Variants in RICTOR observed in about 807,000 individuals in gnomAD.
The protein encoded by RICTOR is rapamycin-insensitive companion of mTOR.
Under a neutral mutation model 214.9 loss-of-function variants are expected in RICTOR, and 49 were observed. That is an observed-to-expected ratio of 0.23 (90% CI 0.18 to 0.29). RICTOR has a LOEUF of 0.29. RICTOR is among the 10% of genes least tolerant of loss of function. RICTOR has a pLI of 1.00. For missense variants in RICTOR, 1,625 were observed against 2,047.0 expected, an observed-to-expected ratio of 0.79 and a Z score of 3.98; for synonymous variants, 717 against 711.3, an observed-to-expected ratio of 1.01 and a Z score of -0.13.
chr5:38,952,891 ATGCAT>A, intron 29 of RICTOR, 89 bp downstream of exon 29: 1 of 690,688 alleles, frequency 1.4e-6, no homozygotes, highest in South Asian at 1.9e-5. Context: ...ATTAACAGTT[ATGCAT>A]TGCACTTAAT....
intron 11 of RICTOR, among the ~76,000 whole-genome samples, chr5:38,969,127 C>T (rs781170838): frequency 7.9e-5 from 12 of 151,722 alleles, no homozygotes; most frequent in Non-Finnish European, 1.0e-4. Context: ...CCTGCCACCA[C>T]GCCCGGCTAA....
chr5:39,040,829 A>G (rs773434983), intron 2 of RICTOR, among the ~76,000 whole-genome samples: 1 of 152,218 alleles, frequency 6.6e-6, no homozygotes, highest in Non-Finnish European at 1.5e-5. Flanking sequence ...CATCTGCCAT[A>G]TACTGCGATA....
intron 2 of RICTOR, among the ~76,000 whole-genome samples, chr5:39,067,943 G>A (rs769463248): frequency 5.2e-4 from 79 of 152,280 alleles, no homozygotes; most frequent in Middle Eastern, 3.4e-3. Flanking sequence ...TGGGGGAAGC[G>A]GATGTTAAAA....
chr5:38,960,617 G>T, intron 19 of RICTOR, 84 bp from the exon 20 acceptor site: 1 of 1,371,534 alleles, frequency 7.3e-7, no homozygotes, highest in Non-Finnish European at 1.0e-6. Flanking sequence ...ACATAATAAG[G>T]CTTTCAGAAT....
chr5:38,962,802 T>C, intron 17 of RICTOR, 74 bp downstream of exon 17: 1 of 1,245,746 alleles, frequency 8.0e-7, no homozygotes, highest in Non-Finnish European at 1.2e-6. Context: ...CTCAAATACA[T>C]GCATACTAAA....
At chr5:39,041,284 A>C (rs1396938648) in intron 2 of RICTOR, among the ~76,000 whole-genome samples, 1 of 152,246 alleles carries the variant, frequency 6.6e-6, no homozygotes, top group Non-Finnish European at 1.5e-5. Context: ...CAATGAACTC[A>C]AGGAATAGCA....
Position 38,986,884 on chromosome 5 carries a change from G to C in RICTOR, c.583+4065C>G, listed in dbSNP as rs149725573. 4.0e-4 allele frequency among the ~76,000 whole-genome samples: 61 copies of C among 152,236 alleles called. No homozygotes were observed. The East Asian group carries it at 0.011, about 27-fold the overall frequency. On this transcript the variant is annotated intron_variant, in intron 7 of 37. Coordinates refer to ENST00000357387, the MANE Select transcript of RICTOR (RefSeq NM_152756.5). ...TGTCATAAACAGCTCTTATTATTTT[G>C]AAATACGTTCCATCAATACATAGTT...
chr5:38,953,677 A>T (rs2112878647), intron 27 of RICTOR, 124 bp from the exon 28 acceptor site: 2 of 348,232 alleles, frequency 5.7e-6, no homozygotes, highest in East Asian at 9.4e-5. Context: ...AATTCTAAAT[A>T]ATTTTATGTA....
At chr5:38,991,611 T>TAGAG (rs1390586261) in intron 6 of RICTOR, among the ~76,000 whole-genome samples, 1 of 152,106 alleles carries the variant, frequency 6.6e-6, no homozygotes, top group African/African-American at 2.4e-5. Flanking sequence ...CCTTACTCTC[T>TAGAG]AGTCACCTCT....
intron 2 of RICTOR, among the ~76,000 whole-genome samples, chr5:39,058,864 G>A (rs1758360268): frequency 6.6e-6 from 1 of 151,878 alleles, no homozygotes. Flanking sequence ...TAGTTTTGAA[G>A]TCTTTATAAA....
chr5:38,946,601 A>G, intron 32 of RICTOR, 49 bp from the exon 33 acceptor site: 2 of 1,159,574 alleles, frequency 1.7e-6, no homozygotes, highest in Non-Finnish European at 1.3e-6. Flanking sequence ...AAATAAGCCC[A>G]CTTTATGAAA....
chr5:38,969,702 T>C (rs1398864131), intron 11 of RICTOR: 1 of 145,736 alleles, frequency 6.9e-6, no homozygotes, highest in Admixed American at 7.0e-5. Context: ...GGAGTCTCGC[T>C]CTGTGGCCCA....
chr5:39,040,412 C>T (rs1024213635), intron 2 of RICTOR, among the ~76,000 whole-genome samples: 9 of 151,918 alleles, frequency 5.9e-5, no homozygotes, highest in Admixed American at 4.6e-4. Context: ...CACATGTGTA[C>T]ATATGTAACA....
intron 2 of RICTOR, among the ~76,000 whole-genome samples, chr5:39,069,679 A>G (rs1759165722): frequency 6.6e-6 from 1 of 152,212 alleles, no homozygotes; most frequent in African/African-American, 2.4e-5. Context: ...CCATTTTAAT[A>G]TGTATTTGAC....
intron 3 of RICTOR, among the ~76,000 whole-genome samples, chr5:39,012,810 G>T (rs1397202857): frequency 6.6e-6 from 1 of 152,062 alleles, no homozygotes; most frequent in Admixed American, 6.6e-5. Context: ...CATTGGGTTT[G>T]GCACTCCCCA....
chr5:39,045,452 C>T (rs765640558), intron 2 of RICTOR, among the ~76,000 whole-genome samples: 4 of 152,090 alleles, frequency 2.6e-5, no homozygotes, highest in Non-Finnish European at 4.4e-5. Flanking sequence ...TGTTCTGCTA[C>T]AATTTCTATG....
At chr5:39,032,400 T>C (rs1275630009) in intron 2 of RICTOR, among the ~76,000 whole-genome samples, 3 of 152,182 alleles carry the variant, frequency 2.0e-5, no homozygotes, top group African/African-American at 7.2e-5. Context: ...TCAATTACAA[T>C]GGCAAGTCAA....
rs140926156 is a variant in RICTOR at position 38,975,321 on chromosome 5, T to C, written c.889+216A>G. ...GTGACTGGCAAATAATAAATATGTG[T>C]ATACTGATCATAATATTAGCTAATT... On this transcript the variant is annotated intron_variant, in intron 10 of 37. Coordinates refer to ENST00000357387, the MANE Select transcript of RICTOR (RefSeq NM_152756.5). Among the ~76,000 whole-genome samples, 1,019 of 152,280 alleles carry C rather than the reference T, an allele frequency of 6.7e-3. 22 individuals are homozygous for C. Among genetic ancestry groups the C allele is most frequent in the Non-Finnish European group, 5.9e-3 (403 of 68,024 alleles).
chr5:38,967,197 C>A lies in RICTOR; in HGVS notation c.1182G>T (p.Leu394=), dbSNP rs563573099. 19 of 1,612,434 alleles carry A rather than the reference C, an allele frequency of 1.2e-5. No homozygotes were observed. Among genetic ancestry groups the A allele is most frequent in the Non-Finnish European group, 1.6e-5 (19 of 1,178,474 alleles). The stretch of plus-strand genomic sequence containing the variant: ...CATTACGAATAAATGCAGAGAGTAT[C>A]AGTGCCAAATAATTATCCATGAGGT... The part of the protein sequence containing the change: ...RPDLMDNYLA[L]ILSAFIRNGL... Residue 394 remains leucine, a synonymous_variant, in exon 14 of 38, where the codon CTG becomes CTT. Transcript: ENST00000357387.
Sources: gnomAD v4.1 joint callset for allele counts (sites outside exome capture counted in the v4.1 genomes callset) on GRCh38, gnomAD v4.1.1 for gene constraint, MANE v1.5 for transcripts, NCBI Gene and HGNC (gene_info 2026-07-23, HGNC 2026-07-21) for gene names.